The following COMMD7 variants were observed in gnomAD, a reference collection of about 807,000 sequenced individuals.
COMMD7 encodes COMM domain-containing protein 7.
COMMD7 carries 28 observed loss-of-function variants against 34.8 expected under a neutral mutation model. The ratio of observed to expected loss-of-function variants is 0.80; its 90% CI spans 0.60 to 1.10. COMMD7 has a LOEUF of 1.10. Ranked by LOEUF, COMMD7 falls within the 50% of genes least tolerant of loss-of-function variation. The probability of loss-of-function intolerance (pLI) is 0.00; values close to 1 mark genes in which losing one functional copy is unlikely to be tolerated. For synonymous variants in COMMD7, 80 were observed against 86.4 expected (o/e 0.93, Z 0.41); for missense variants, 211 against 241.6 (o/e 0.87, Z 0.84).
At chr20:32,706,461 C>G in intron 5 of COMMD7, 122 bp downstream of exon 5, 1 of 737,988 alleles carries the variant, frequency 1.4e-6, no homozygotes, top group African/African-American at 1.8e-5. Context: ...TGTGGTGAGC[C>G]GAGATCACAC....
chr20:32,711,950 C>T (rs28450123), intron 3 of COMMD7, among the ~76,000 whole-genome samples: 104,515 of 150,536 alleles, frequency 0.69, 36,882 homozygotes, highest in Middle Eastern at 0.82. Flanking sequence ...TTTCGGAGGC[C>T]GAGGCGGGTG....
Position 32,714,711 on chromosome 20 carries a change from C to T in COMMD7, c.242-7951G>A, listed in dbSNP as rs142449459. Among the ~76,000 whole-genome samples, 804 of 152,164 alleles carry T rather than the reference C, an allele frequency of 5.3e-3. 2 individuals are homozygous for T. Among genetic ancestry groups the T allele is most frequent in the Middle Eastern group, 0.017 (5 of 294 alleles). On this transcript the variant is annotated intron_variant, in intron 3 of 8. Transcript: ENST00000278980. ...CGGTGGTGCATGGCTGTAGTCCCAG[C>T]TACTCAGGCGGCTAAGGTAGAATAA...
chr20:32,704,296 A>G, intron 7 of COMMD7, 144 bp downstream of exon 7: 6 of 805,986 alleles, frequency 7.4e-6, no homozygotes, highest in Non-Finnish European at 1.2e-5. Context: ...GTTAGTGACT[A>G]CATCTTTAGC....
intron 7 of COMMD7, 150 bp downstream of exon 7, chr20:32,704,290 G>A (rs1983923510): frequency 1.3e-6 from 1 of 779,508 alleles, no homozygotes; most frequent in Non-Finnish European, 2.1e-6. Context: ...AGGCATGTTA[G>A]TGACTACATC....
chr20:32,728,202 AC>A lies in COMMD7; in HGVS notation c.85-61del. 3.3e-6 allele frequency: 5 copies of A among 1,495,082 alleles called. No homozygotes were observed. In the South Asian group the frequency reaches 4.5e-5, roughly 14 times the overall value. The allele number at this position is 1,495,082 out of a possible 1,614,324, so 92.6% of individuals were successfully genotyped here. ...TTCTACTACTGGGTCAGCATGCCCC[AC>A]CCCAGGCAACTGCATAGCCTTGAGA... On this transcript the variant is annotated intron_variant, in intron 1 of 8. Coordinates refer to ENST00000278980, the MANE Select transcript of COMMD7 (RefSeq NM_053041.3).
intron 3 of COMMD7, among the ~76,000 whole-genome samples, chr20:32,708,617 T>C (rs1014526729): frequency 6.6e-6 from 1 of 152,010 alleles, no homozygotes; most frequent in Non-Finnish European, 1.5e-5. Flanking sequence ...CCCAATGCTT[T>C]ATTTGACAAT....
rs773030498 is a variant in COMMD7, at chr20:32,704,075, A to G, written c.478-4T>C. 6 of 1,582,198 alleles carry G rather than the reference A, an allele frequency of 3.8e-6. No individual in the cohort carries two copies. The East Asian group carries it at 1.3e-4, about 35-fold the overall frequency. ...CTTTCTTAACCACCAACTTTAGCTG[A>G]TGAAAGAAAAAGAAATAATTTAAAT... On this transcript the variant is annotated splice_region_variant and splice_polypyrimidine_tract_variant and intron_variant, in intron 7 of 8. Transcript: ENST00000278980.
intron 3 of COMMD7, among the ~76,000 whole-genome samples, chr20:32,711,575 C>T: frequency 6.6e-6 from 1 of 152,124 alleles, no homozygotes; most frequent in East Asian, 1.9e-4. Flanking sequence ...CAGGCAATGC[C>T]TTGACAGTTG....
intron 1 of COMMD7, 65 bp from the exon 2 acceptor site, chr20:32,728,207 A>G (rs1442554344): frequency 6.9e-7 from 1 of 1,452,820 alleles, no homozygotes; most frequent in Non-Finnish European, 9.7e-7. Context: ...GCCCCACCCC[A>G]GGCAACTGCA....
intron 5 of COMMD7, among the ~76,000 whole-genome samples, chr20:32,705,376 A>ATATATATATATATATT (rs1335467096): frequency 8.0e-6 from 1 of 125,456 alleles, no homozygotes; most frequent in African/African-American, 3.4e-5. Context: ...ATATATATAT[A>ATATATATATATATATT]TTTTTTTTTT....
chr20:32,728,287 G>A (rs569891687), intron 1 of COMMD7, 145 bp from the exon 2 acceptor site: 1 of 713,968 alleles, frequency 1.4e-6, no homozygotes, highest in African/African-American at 1.8e-5. Flanking sequence ...AGTTACAAAT[G>A]TTCACAATAC....
chr20:32,720,870 T>C (rs543754604), intron 3 of COMMD7, among the ~76,000 whole-genome samples: 1 of 152,108 alleles, frequency 6.6e-6, no homozygotes, highest in Non-Finnish European at 1.5e-5. Context: ...TTCTATTCAA[T>C]TCGCTCTGCA....
At chr20:32,704,956 C>G in intron 5 of COMMD7, 52 bp from the exon 6 acceptor site, 4 of 1,267,132 alleles carry the variant, frequency 3.2e-6, no homozygotes, top group Non-Finnish European at 4.6e-6. Flanking sequence ...ATCTCCCCCT[C>G]TCCATCCTGC....
rs1313330865 is a variant in COMMD7 at position 32,743,363 on chromosome 20, G to A, written c.29C>T (p.Pro10Leu). ...GTCGCCGCCCACGGCCTCCGGCACC[G>A]GGTCCTCAGTGCAGTGCAGGCGGCC... MGRLHCTED[P>L]VPEAVGGDMQ... is the part of the protein sequence containing the mutation. The change falls in exon 1 of 9, where the codon CCG becomes CTG. Residue 10 changes from proline (P) to leucine (L), a missense_variant. By Grantham distance (98) the Pro-to-Leu change is moderately conservative. Coordinates refer to ENST00000278980, the MANE Select transcript of COMMD7 (RefSeq NM_053041.3). 6.6e-6 allele frequency: 10 copies of A among 1,511,052 alleles called. No individual in the cohort carries two copies. Among genetic ancestry groups the A allele is most frequent in the South Asian group, 1.2e-5 (1 of 82,160 alleles). 93.6% of individuals were successfully genotyped at this position (1,511,052 alleles called of 1,614,324 possible).
At position 32,712,507 on chromosome 20, in the gene COMMD7, A is replaced by C. The variant is rs112344984; in HGVS notation, c.242-5747T>G. The stretch of plus-strand genomic sequence containing the variant: ...TGGTGACAGAGCAAGATTCCGTCTC[A>C]AATTAAAAAAAAAAAAACCTAGGTG... On this transcript the variant is annotated intron_variant, in intron 3 of 8. Coordinates refer to ENST00000278980, the MANE Select transcript of COMMD7 (RefSeq NM_053041.3). Among the ~76,000 whole-genome samples the C allele has an allele frequency of 4.8e-3, 724 of 151,074 alleles. 3 individuals are homozygous for C. The highest frequency in any genetic ancestry group is 0.016 in the African/African-American group (678 of 41,162).
At chr20:32,709,641 A>G (rs1296320517) in intron 3 of COMMD7, among the ~76,000 whole-genome samples, 1 of 151,992 alleles carries the variant, frequency 6.6e-6, no homozygotes, top group African/African-American at 2.4e-5. Context: ...CTCCTATTTC[A>G]CTCACAGTAA....
intron 8 of COMMD7, 51 bp downstream of exon 8, chr20:32,703,972 T>C (rs1983904923): frequency 6.2e-6 from 10 of 1,613,252 alleles, no homozygotes; most frequent in African/African-American, 1.3e-5. Context: ...AGCCCCTGAT[T>C]GCAGAGAACA....
intron 3 of COMMD7, among the ~76,000 whole-genome samples, chr20:32,725,089 G>T (rs957969243): frequency 2.0e-5 from 3 of 151,886 alleles, no homozygotes; most frequent in African/African-American, 7.2e-5. Flanking sequence ...TTGTAAGGGT[G>T]AGATATGGGA....
intron 3 of COMMD7, among the ~76,000 whole-genome samples, chr20:32,709,820 G>C (rs1451387673): frequency 6.6e-6 from 1 of 151,578 alleles, no homozygotes; most frequent in Non-Finnish European, 1.5e-5. Flanking sequence ...TTCATTCAGG[G>C]TTCTGCCTGA....
Sources: gnomAD v4.1 joint callset for allele counts (sites outside exome capture counted in the v4.1 genomes callset) on GRCh38, gnomAD v4.1.1 for gene constraint, MANE v1.5 for transcripts, NCBI Gene and HGNC (gene_info 2026-07-23, HGNC 2026-07-21) for gene names.